Variants in MEI4 observed in about 807,000 individuals in gnomAD.
The protein encoded by MEI4 is meiosis-specific protein MEI4.
Under a neutral mutation model 31.4 loss-of-function variants are expected in MEI4, and 27 were observed. That is an observed-to-expected ratio of 0.86 (90% CI 0.63 to 1.19). MEI4 has a LOEUF of 1.19. Ranked by LOEUF, MEI4 falls within the 50% of genes most tolerant of loss-of-function variation. MEI4 has a pLI of 0.00. For missense variants in MEI4, 329 were observed against 398.9 expected, an observed-to-expected ratio of 0.82 and a Z score of 1.49; for synonymous variants, 122 against 145.4, an observed-to-expected ratio of 0.84 and a Z score of 1.16.
intron 2 of MEI4, among the ~76,000 whole-genome samples, chr6:77,734,144 C>T (rs549174506): frequency 7.9e-5 from 12 of 151,996 alleles, no homozygotes; most frequent in African/African-American, 2.9e-4. Context: ...TCTATTAGGT[C>T]CGCTTGGTGC....
At chr6:77,797,733 C>T (rs1318714933) in intron 3 of MEI4, among the ~76,000 whole-genome samples, 2 of 152,138 alleles carry the variant, frequency 1.3e-5, no homozygotes, top group Non-Finnish European at 2.9e-5. Context: ...CAGCTTATCC[C>T]ATCTTCTTAC....
At chr6:77,795,435 C>T (rs1280244854) in intron 3 of MEI4, among the ~76,000 whole-genome samples, 6 of 152,024 alleles carry the variant, frequency 3.9e-5, no homozygotes, top group Admixed American at 3.9e-4. Flanking sequence ...CTACCCTTGA[C>T]CTAGCTTAAA....
At chr6:77,803,306 A>T (rs1371931973) in intron 3 of MEI4, among the ~76,000 whole-genome samples, 9 of 152,098 alleles carry the variant, frequency 5.9e-5, no homozygotes. Flanking sequence ...CTCTCATGCC[A>T]TGGTTTTCAG....
chr6:77,658,171 C>T (rs888758239), intron 1 of MEI4, among the ~76,000 whole-genome samples: 3 of 151,912 alleles, frequency 2.0e-5, no homozygotes, highest in East Asian at 1.9e-4. Flanking sequence ...TTGGGATAGG[C>T]GGTGAAGTTA....
At chr6:77,713,956 G>C (rs1358044824) in intron 2 of MEI4, among the ~76,000 whole-genome samples, 5 of 151,792 alleles carry the variant, frequency 3.3e-5, no homozygotes, top group Non-Finnish European at 7.4e-5. Flanking sequence ...CCATCATTTA[G>C]CTCCTACTTA....
chr6:77,771,049 C>T (rs1768302517), intron 3 of MEI4, among the ~76,000 whole-genome samples: 1 of 151,974 alleles, frequency 6.6e-6, no homozygotes, highest in African/African-American at 2.4e-5. Flanking sequence ...CTGACAAAGT[C>T]CTAATATCCA....
chr6:77,873,518 G>C (rs968757422), intron 4 of MEI4, among the ~76,000 whole-genome samples: 3 of 152,216 alleles, frequency 2.0e-5, no homozygotes, highest in Non-Finnish European at 4.4e-5. Flanking sequence ...TTTGTCAGGT[G>C]AGTACGTTGC....
chr6:77,671,713 G>A (rs866201480), intron 1 of MEI4, among the ~76,000 whole-genome samples: 12 of 128,378 alleles, frequency 9.3e-5, no homozygotes, highest in South Asian at 2.4e-4. Flanking sequence ...CATAGCCCAA[G>A]CTAGTTGACT....
At chr6:77,849,846 C>T (rs1033058247) in intron 4 of MEI4, among the ~76,000 whole-genome samples, 1 of 152,076 alleles carries the variant, frequency 6.6e-6, no homozygotes, top group Admixed American at 6.6e-5. Flanking sequence ...CTACTTTATA[C>T]AATATTTTGT....
chr6:77,654,965 GGTTT>G (rs1394860308), intron 1 of MEI4, among the ~76,000 whole-genome samples: 3 of 151,850 alleles, frequency 2.0e-5, no homozygotes, highest in Admixed American at 6.6e-5. Context: ...AGAATGTGCA[GGTTT>G]GTTACATAGG....
chr6:77,893,713 T>G (rs1385441014), intron 4 of MEI4, among the ~76,000 whole-genome samples: 2 of 152,196 alleles, frequency 1.3e-5, no homozygotes, highest in African/African-American at 4.8e-5. Flanking sequence ...TTAAAAACAT[T>G]TGTCATCAGG....
At chr6:77,881,283 T>C (rs1430650222) in intron 4 of MEI4, among the ~76,000 whole-genome samples, 1 of 152,234 alleles carries the variant, frequency 6.6e-6, no homozygotes, top group Non-Finnish European at 1.5e-5. Flanking sequence ...AGAATTATAC[T>C]ATTCCATCAC....
chr6:77,819,192 ACCATTTC>A (rs1341139363), intron 3 of MEI4, among the ~76,000 whole-genome samples: 3 of 152,124 alleles, frequency 2.0e-5, no homozygotes, highest in Non-Finnish European at 4.4e-5. Flanking sequence ...ATGTGTATTT[ACCATTTC>A]TATGTCAATT....
chr6:77,672,314 T>C (rs958668074), intron 1 of MEI4, among the ~76,000 whole-genome samples: 1 of 152,226 alleles, frequency 6.6e-6, no homozygotes, highest in Non-Finnish European at 1.5e-5. Flanking sequence ...TGTCAAACTT[T>C]CCTGAATTTA....
intron 3 of MEI4, among the ~76,000 whole-genome samples, chr6:77,801,002 C>A (rs1365105852): frequency 1.3e-5 from 2 of 152,022 alleles, no homozygotes; most frequent in African/African-American, 4.8e-5. Context: ...TGATGCTGGC[C>A]TCATAAAATG....
At chr6:77,659,288 T>C (rs1272851578) in intron 1 of MEI4, among the ~76,000 whole-genome samples, 14 of 152,022 alleles carry the variant, frequency 9.2e-5, no homozygotes, top group Admixed American at 8.5e-4. Flanking sequence ...ATTTTGGGGG[T>C]AAGGAAGACT....
intron 3 of MEI4, among the ~76,000 whole-genome samples, chr6:77,795,905 A>T (rs1440031945): frequency 6.6e-6 from 1 of 152,214 alleles, no homozygotes; most frequent in Non-Finnish European, 1.5e-5. Flanking sequence ...AACTCATTTT[A>T]TGAGGACAGC....
chr6:77,800,432 C>T (rs1453785841), intron 3 of MEI4, among the ~76,000 whole-genome samples: 2 of 152,040 alleles, frequency 1.3e-5, no homozygotes, highest in Admixed American at 6.6e-5. Flanking sequence ...ACAATCAAGT[C>T]ATCTGCAAAC....
intron 2 of MEI4, among the ~76,000 whole-genome samples, chr6:77,741,570 T>A (rs1266949097): frequency 1.3e-5 from 2 of 152,116 alleles, no homozygotes; most frequent in Non-Finnish European, 2.9e-5. Context: ...ACTTGATGGG[T>A]CATGAAGTAT....
Sources: allele counts gnomAD v4.1 joint callset (sites outside exome capture counted in the v4.1 genomes callset), GRCh38; gene constraint gnomAD v4.1.1; transcripts MANE v1.5; gene names NCBI Gene and HGNC (gene_info 2026-07-23, HGNC 2026-07-21).